The following RYR2 variants were observed in gnomAD, a reference collection of about 807,000 sequenced individuals.
RYR2 encodes ryanodine receptor 2, also known as cardiac muscle ryanodine receptor-calcium release channel.
RYR2 carries 227 observed loss-of-function variants against 601.1 expected under a neutral mutation model. That is an observed-to-expected ratio of 0.38 (90% CI 0.34 to 0.42). The LOEUF (loss-of-function observed/expected upper bound fraction) is 0.42. Ranked by LOEUF, RYR2 falls within the 10% of genes least tolerant of loss-of-function variation. The pLI is 1.00. For synonymous variants in RYR2, 2,223 were observed against 2,175.1 expected, an observed-to-expected ratio of 1.02 and a Z score of -0.61; for missense variants, 4,646 against 6,156.5, an observed-to-expected ratio of 0.75 and a Z score of 8.21.
intron 17 of RYR2, among the ~76,000 whole-genome samples, chr1:237,484,347 A>G (rs748897611): frequency 3.3e-5 from 5 of 152,148 alleles, no homozygotes; most frequent in Non-Finnish European, 5.9e-5. Context: ...TTGTAACCAT[A>G]GATGAGAAAC....
intron 24 of RYR2, among the ~76,000 whole-genome samples, chr1:237,515,851 TTCTTC>T (rs1666451253): frequency 6.9e-6 from 1 of 144,018 alleles, no homozygotes; most frequent in African/African-American, 2.6e-5. Flanking sequence ...CTCCTCCCTC[TTCTTC>T]TCTTCTCTCT....
chr1:237,376,922 C>T (rs566966799), intron 7 of RYR2, among the ~76,000 whole-genome samples: 23 of 152,210 alleles, frequency 1.5e-4, no homozygotes, highest in East Asian at 1.9e-4. Context: ...ACAATTGTCA[C>T]GTCACAAAAC....
chr1:237,301,619 T>C (rs1308417864), intron 2 of RYR2, among the ~76,000 whole-genome samples: 1 of 150,774 alleles, frequency 6.6e-6, no homozygotes, highest in Admixed American at 6.6e-5. Context: ...ACCAGTTTCT[T>C]AGTAATGAAG....
chr1:237,577,911 T>C (rs1476322079), intron 29 of RYR2, among the ~76,000 whole-genome samples: 1 of 152,150 alleles, frequency 6.6e-6, no homozygotes, highest in Non-Finnish European at 1.5e-5. Flanking sequence ...CAAGCAATTC[T>C]CCTCCCTCAA....
At chr1:237,138,141 C>T (rs1308399193) in intron 1 of RYR2, among the ~76,000 whole-genome samples, 2 of 152,154 alleles carry the variant, frequency 1.3e-5, no homozygotes, top group Non-Finnish European at 2.9e-5. Flanking sequence ...AAGCGATTCT[C>T]CTGCCTCAGG....
intron 36 of RYR2, among the ~76,000 whole-genome samples, chr1:237,612,142 T>C: frequency 6.6e-6 from 1 of 152,160 alleles, no homozygotes; most frequent in Middle Eastern, 3.2e-3. Context: ...GAAGACATTA[T>C]ATTAAGTGAA....
chr1:237,516,952 G>T (rs1356261093), intron 24 of RYR2, among the ~76,000 whole-genome samples: 1 of 152,118 alleles, frequency 6.6e-6, no homozygotes, highest in African/African-American at 2.4e-5. Flanking sequence ...GCACACAGCA[G>T]CCTGAGTTCA....
chr1:237,178,150 G>A (rs1158776098), intron 1 of RYR2, among the ~76,000 whole-genome samples: 2 of 152,142 alleles, frequency 1.3e-5, no homozygotes, highest in Middle Eastern at 3.2e-3. Flanking sequence ...ATCTTTTCAT[G>A]TGGTTACTGG....
intron 29 of RYR2, among the ~76,000 whole-genome samples, chr1:237,579,990 G>A (rs143852401): frequency 2.1e-5 from 3 of 146,004 alleles, no homozygotes; most frequent in African/African-American, 5.1e-5. Flanking sequence ...GCATATTGAC[G>A]GCATAGGGAA....
intron 41 of RYR2, among the ~76,000 whole-genome samples, chr1:237,628,761 T>A (rs1181080882): frequency 6.6e-6 from 1 of 151,952 alleles, no homozygotes; most frequent in Non-Finnish European, 1.5e-5. Context: ...AACACATTGA[T>A]CCATAGGTCT....
chr1:237,616,307 T>C (rs1678461113), intron 37 of RYR2, among the ~76,000 whole-genome samples: 1 of 152,214 alleles, frequency 6.6e-6, no homozygotes, highest in Non-Finnish European at 1.5e-5. Context: ...CAGAGCATTC[T>C]CTCTTAGAAA....
chr1:237,798,000 G>A (rs1473030454), intron 96 of RYR2, 37 bp from the exon 97 acceptor site: 2 of 1,583,884 alleles, frequency 1.3e-6, no homozygotes, highest in Admixed American at 3.6e-5. Flanking sequence ...TTACTTAATG[G>A]TTGAAGCCAA....
chr1:237,145,930 C>T (rs964731677), intron 1 of RYR2, among the ~76,000 whole-genome samples: 8 of 152,120 alleles, frequency 5.3e-5, no homozygotes, highest in Non-Finnish European at 1.0e-4. Context: ...TTCCAGCTGC[C>T]GCTGTATTTG....
chr1:237,752,463 A>T (rs1223308214), intron 80 of RYR2, among the ~76,000 whole-genome samples: 2 of 72,190 alleles, frequency 2.8e-5, no homozygotes, highest in Non-Finnish European at 6.3e-5. Context: ...TTATTTAATT[A>T]AAAAAAAAAA....
intron 29 of RYR2, among the ~76,000 whole-genome samples, chr1:237,573,793 A>G (rs904303680): frequency 2.6e-5 from 4 of 151,628 alleles, no homozygotes; most frequent in African/African-American, 9.7e-5. Context: ...GCCTGGTGAC[A>G]GAGGAGTGAG....
intron 3 of RYR2, chr1:237,341,653 A>G (rs758605093): frequency 9.7e-6 from 5 of 516,840 alleles, no homozygotes; most frequent in Non-Finnish European, 1.9e-5. Flanking sequence ...GGTAGTAAGG[A>G]AATATTTGCT....
At chr1:237,383,619 C>T (rs1030482828) in intron 8 of RYR2, among the ~76,000 whole-genome samples, 8 of 151,642 alleles carry the variant, frequency 5.3e-5, no homozygotes, top group South Asian at 2.1e-4. Context: ...TTAGTAGAGA[C>T]GGGGCTTCAC....
rs1348404826 is a variant in RYR2, at chr1:237,833,370, G to A, written c.*723G>A. 8.0e-5 allele frequency: 7 copies of A among 87,572 alleles called. No homozygotes were observed. The highest frequency in any genetic ancestry group is 7.2e-4 in the East Asian group (2 of 2,780). 5.4% of individuals were successfully genotyped at this position (87,572 alleles called of 1,614,324 possible). A position where few individuals can be genotyped will look rare whatever the true frequency, so the allele number is the denominator to read the frequency against. On this transcript the variant is annotated 3_prime_UTR_variant, in exon 105 of 105. Coordinates refer to ENST00000366574, the MANE Select transcript of RYR2 (RefSeq NM_001035.3). ...ACATTTGCCCCCCCCCCCCGCCCCC[G>A]CCCCCATATGCTCCTGCTATTATTT...
chr1:237,584,649 G>GTTTTTTTTTTT (rs61131096), intron 29 of RYR2, among the ~76,000 whole-genome samples: 6 of 72,468 alleles, frequency 8.3e-5, no homozygotes, highest in East Asian at 4.4e-4. Context: ...CTCACCACCT[G>GTTTTTTTTTTT]TTTTTTTTTT....
Sources: allele counts gnomAD v4.1 joint callset (sites outside exome capture counted in the v4.1 genomes callset), GRCh38; gene constraint gnomAD v4.1.1; transcripts MANE v1.5; gene names NCBI Gene and HGNC (gene_info 2026-07-23, HGNC 2026-07-21).